FRMD4B: variants seen among roughly 807,000 people sequenced by gnomAD.
FRMD4B encodes FERM domain containing 4B.
Under a neutral mutation model 141.5 loss-of-function variants are expected in FRMD4B, and 74 were observed. The ratio of observed to expected loss-of-function variants is 0.52; its 90% CI spans 0.43 to 0.63. The LOEUF (loss-of-function observed/expected upper bound fraction) is 0.63. Among genes scored for constraint, FRMD4B ranks in the 30% least tolerant of loss-of-function variants. The pLI is 0.00. For missense variants in FRMD4B, 1,366 were observed against 1,253.4 expected, an observed-to-expected ratio of 1.09 and a Z score of -1.36; for synonymous variants, 506 against 467.9, an observed-to-expected ratio of 1.08 and a Z score of -1.05.
intron 1 of FRMD4B, among the ~76,000 whole-genome samples, chr3:69,518,474 T>C (rs565375645): frequency 9.2e-5 from 14 of 152,310 alleles, no homozygotes; most frequent in Non-Finnish European, 1.6e-4. Flanking sequence ...ATTATAATAT[T>C]ACATAGTAAA....
intron 18 of FRMD4B, among the ~76,000 whole-genome samples, chr3:69,188,145 T>C (rs1328191436): frequency 6.6e-6 from 1 of 152,194 alleles, no homozygotes; most frequent in African/African-American, 2.4e-5. Flanking sequence ...AACCATCTTT[T>C]GCCAAATTCA....
chr3:69,291,656 T>C (rs566270996), intron 4 of FRMD4B, among the ~76,000 whole-genome samples: 39 of 152,300 alleles, frequency 2.6e-4, no homozygotes, highest in African/African-American at 8.7e-4. Flanking sequence ...TTGATTAGAA[T>C]GACCTAAAGA....
intron 2 of FRMD4B, among the ~76,000 whole-genome samples, chr3:69,391,125 G>C (rs1265694521): frequency 2.0e-5 from 3 of 151,874 alleles, no homozygotes; most frequent in African/African-American, 7.3e-5. Context: ...CGTTTCCTAT[G>C]ATTTTCACTT....
intron 21 of FRMD4B, 104 bp downstream of exon 21, chr3:69,180,795 T>C: frequency 1.3e-6 from 1 of 756,826 alleles, no homozygotes; most frequent in Non-Finnish European, 2.2e-6. Context: ...TGCCCCACTT[T>C]TGACCCTGAG....
intron 2 of FRMD4B, among the ~76,000 whole-genome samples, chr3:69,428,793 G>C (rs1290325185): frequency 6.6e-6 from 1 of 152,020 alleles, no homozygotes; most frequent in Non-Finnish European, 1.5e-5. Flanking sequence ...TCCTTCTCTA[G>C]AACATTTTCA....
chr3:69,283,825 G>C (rs561186853), intron 5 of FRMD4B, among the ~76,000 whole-genome samples: 2 of 152,196 alleles, frequency 1.3e-5, no homozygotes, highest in Non-Finnish European at 2.9e-5. Flanking sequence ...CAGAAAAGAG[G>C]GCTGTAGTAA....
intron 11 of FRMD4B, among the ~76,000 whole-genome samples, chr3:69,203,317 C>T (rs4518131): frequency 0.97 from 116,011 of 119,034 alleles, 56,540 homozygotes; most frequent in South Asian, 1. Flanking sequence ...TGTCAAACTT[C>T]AGCAAAAAAA....
rs374293177 is a variant in FRMD4B at position 69,455,917 on chromosome 3, T to G, written c.-128-23156A>C. On this transcript the variant is annotated intron_variant, in intron 1 of 5. Transcript: ENST00000459638. ...TCCTGTTCCACCATCACCTGGCCATTTGTAGCTTCTCAGTTCCATTTTGTT... is the reference window on the plus strand; with the variant it reads ...TCCTGTTCCACCATCACCTGGCCATGTGTAGCTTCTCAGTTCCATTTTGTT... Among the ~76,000 whole-genome samples the G allele has an allele frequency of 4.6e-5, 7 of 152,314 alleles. No homozygotes were observed. The East Asian group carries it at 7.7e-4, about 17-fold the overall frequency.
At chr3:69,235,911 G>A (rs182977183) in intron 7 of FRMD4B, among the ~76,000 whole-genome samples, 9 of 152,314 alleles carry the variant, frequency 5.9e-5, no homozygotes, top group Admixed American at 5.9e-4. Flanking sequence ...CAGGATTCTA[G>A]GAAGAGGGGA....
At chr3:69,275,277 G>GA (rs916567035) in intron 5 of FRMD4B, among the ~76,000 whole-genome samples, 3 of 151,440 alleles carry the variant, frequency 2.0e-5, no homozygotes, top group African/African-American at 7.3e-5. Flanking sequence ...TTAACAACAG[G>GA]AAAAAAAACG....
chr3:69,227,144 T>A (rs2093262533), intron 7 of FRMD4B, among the ~76,000 whole-genome samples: 1 of 152,156 alleles, frequency 6.6e-6, no homozygotes, highest in Non-Finnish European at 1.5e-5. Flanking sequence ...CTATACACAA[T>A]CAGAATCTAC....
chr3:69,479,589 T>C (rs548679662), intron 1 of FRMD4B, among the ~76,000 whole-genome samples: 3 of 152,248 alleles, frequency 2.0e-5, no homozygotes, highest in Non-Finnish European at 4.4e-5. Flanking sequence ...ATTAGTCTGA[T>C]GGGCTTCCCT....
intron 11 of FRMD4B, among the ~76,000 whole-genome samples, chr3:69,207,205 T>A (rs2093031702): frequency 6.6e-6 from 1 of 150,720 alleles, no homozygotes; most frequent in Non-Finnish European, 1.5e-5. Flanking sequence ...CTTGAGAGGC[T>A]AAGGTGGGAG....
At position 69,483,917 on chromosome 3, in the gene FRMD4B, G is replaced by A. The variant is rs1314629663; in HGVS notation, c.-128-51156C>T. On this transcript the variant is annotated intron_variant, in intron 1 of 5. Coordinates refer to the FRMD4B transcript ENST00000459638. The stretch of plus-strand genomic sequence containing the variant: ...TGAAACCAGAACCCTGCTCAGTGAG[G>A]TTTTTGTCGGTTCAGCTTGCCGATT... Among the ~76,000 whole-genome samples the A allele has an allele frequency of 3.9e-5, 6 of 152,126 alleles. No individual in the cohort carries two copies. The South Asian group carries it at 1.0e-3, about 26-fold the overall frequency.
At chr3:69,506,820 G>A (rs78642929) in intron 1 of FRMD4B, among the ~76,000 whole-genome samples, 9,799 of 142,988 alleles carry the variant, frequency 0.069, 372 homozygotes, top group Non-Finnish European at 0.082. Flanking sequence ...CTGAGATTAC[G>A]GGGTGAGCTA....
At chr3:69,205,340 T>C (rs1203912607) in intron 11 of FRMD4B, among the ~76,000 whole-genome samples, 4 of 152,184 alleles carry the variant, frequency 2.6e-5, no homozygotes. Flanking sequence ...ACTATATTTC[T>C]GTTTATTTCA....
rs554440088 is a variant in FRMD4B at position 69,216,613 on chromosome 3, G to A, written c.790-264C>T. 3.3e-5 allele frequency among the ~76,000 whole-genome samples: 5 copies of A among 151,834 alleles called. No individual in the cohort carries two copies. The East Asian group carries it at 9.7e-4, about 29-fold the overall frequency. ...GCCTGGCTAATTTTTTTGTATTTTA[G>A]TAGAGACGGGGTTTCACTATGTTGG... On this transcript the variant is annotated intron_variant, in intron 10 of 22. Transcript: ENST00000398540.
chr3:69,309,609 T>C (rs1701508833), intron 3 of FRMD4B, among the ~76,000 whole-genome samples: 2 of 82,540 alleles, frequency 2.4e-5, no homozygotes, highest in East Asian at 4.1e-4. Flanking sequence ...CCTGGCTGAT[T>C]TTTTTTTTTT....
intron 7 of FRMD4B, among the ~76,000 whole-genome samples, chr3:69,246,571 T>C (rs182561337): frequency 2.5e-4 from 38 of 152,214 alleles, no homozygotes; most frequent in African/African-American, 8.7e-4. Flanking sequence ...AGGGAGAGCA[T>C]GGTAATTTGC....
Sources: allele counts gnomAD v4.1 joint callset (sites outside exome capture counted in the v4.1 genomes callset), GRCh38; gene constraint gnomAD v4.1.1; transcripts MANE v1.5; gene names NCBI Gene and HGNC (gene_info 2026-07-23, HGNC 2026-07-21).